PTPRT: variants seen among roughly 807,000 people sequenced by gnomAD.
The protein encoded by PTPRT is receptor-type tyrosine-protein phosphatase T.
In PTPRT, 56 loss-of-function variants were observed where a neutral mutation model predicts 176.8. That is an observed-to-expected ratio of 0.32 (90% CI 0.26 to 0.40). PTPRT has a LOEUF of 0.40. PTPRT is among the 10% of genes least tolerant of loss of function. PTPRT has a pLI of 1.00. For synonymous variants in PTPRT, 783 were observed against 739.0 expected (o/e 1.06, Z -0.96); for missense variants, 1,540 against 1,908.2 (o/e 0.81, Z 3.60).
chr20:42,364,125 C>T (rs1393499812), intron 9 of PTPRT, among the ~76,000 whole-genome samples: 2 of 152,040 alleles, frequency 1.3e-5, no homozygotes, highest in African/African-American at 2.4e-5. Flanking sequence ...TCCAAGCACC[C>T]CAGAGGGGTT....
intron 1 of PTPRT, among the ~76,000 whole-genome samples, chr20:43,161,077 C>A (rs371282633): frequency 1.3e-5 from 2 of 152,206 alleles, no homozygotes; most frequent in Non-Finnish European, 1.5e-5. Flanking sequence ...TCTATACTTA[C>A]ATTATACTAA....
chr20:42,350,214 G>GTTTTTTTTTTTTTTT (rs764181357), intron 11 of PTPRT, among the ~76,000 whole-genome samples: 3 of 58,290 alleles, frequency 5.1e-5, no homozygotes, highest in African/African-American at 7.0e-5. Flanking sequence ...GATGTTTCTT[G>GTTTTTTTTTTTTTTT]TTTTTTTTTT....
chr20:42,323,695 G>T (rs1280366989), intron 11 of PTPRT, among the ~76,000 whole-genome samples: 1 of 151,732 alleles, frequency 6.6e-6, no homozygotes, highest in Non-Finnish European at 1.5e-5. Flanking sequence ...ACACCAGCAT[G>T]GCACATGTAT....
Position 43,152,629 on chromosome 20 carries a change from T to G in PTPRT, c.88+37017A>C, listed in dbSNP as rs147103754. On this transcript the variant is annotated intron_variant, in intron 1 of 30. Transcript: ENST00000373187. ...GAATAAATTCATAGCATCTTGTATT[T>G]CCTTTCACACATTCTTCCTCTGGAC... 2.8e-4 allele frequency among the ~76,000 whole-genome samples: 42 copies of G among 152,340 alleles called. 1 individual carries two copies. Among genetic ancestry groups the G allele is most frequent in the African/African-American group, 9.1e-4 (38 of 41,590 alleles).
At position 42,633,218 on chromosome 20, in the gene PTPRT, T is replaced by C. The variant is rs543086841; in HGVS notation, c.1153+44648A>G. ...ATAGAAACCATCTGAAATTGATTCA[T>C]TGGAAAATGTATATGCTATTAACAC... On this transcript the variant is annotated intron_variant, in intron 7 of 30. Coordinates refer to ENST00000373187, the MANE Select transcript of PTPRT (RefSeq NM_007050.6). Among the ~76,000 whole-genome samples, 19 of 152,228 alleles carry C rather than the reference T, an allele frequency of 1.2e-4. No individual in the cohort carries two copies. The South Asian group carries it at 2.7e-3, about 22-fold the overall frequency.
At chr20:42,520,720 C>A (rs1248587674) in intron 7 of PTPRT, among the ~76,000 whole-genome samples, 6 of 151,724 alleles carry the variant, frequency 4.0e-5, no homozygotes, top group African/African-American at 1.5e-4. Context: ...ATTTAGAAAC[C>A]AAGATCTGCA....
chr20:42,931,193 A>G (rs1979825900), intron 1 of PTPRT, among the ~76,000 whole-genome samples: 1 of 152,196 alleles, frequency 6.6e-6, no homozygotes, highest in African/African-American at 2.4e-5. Context: ...CAGTGTCACT[A>G]TATTTAAAGG....
At chr20:42,789,500 G>A (rs2077342275) in intron 3 of PTPRT, among the ~76,000 whole-genome samples, 1 of 152,112 alleles carries the variant, frequency 6.6e-6, no homozygotes, top group Non-Finnish European at 1.5e-5. Context: ...CCTATAAAAT[G>A]GGTACGTAGT....
At chr20:42,120,756 A>G (rs1221039467) in intron 19 of PTPRT, among the ~76,000 whole-genome samples, 1 of 152,208 alleles carries the variant, frequency 6.6e-6, no homozygotes, top group Non-Finnish European at 1.5e-5. Context: ...CATATTGAGT[A>G]GAAGTTTAAG....
chr20:42,855,897 T>C (rs1260326510), intron 2 of PTPRT, among the ~76,000 whole-genome samples: 2 of 152,154 alleles, frequency 1.3e-5, no homozygotes, highest in Non-Finnish European at 2.9e-5. Context: ...ACTCCTTCCC[T>C]AAATCCCTTC....
chr20:43,019,846 T>C (rs1985573075), intron 1 of PTPRT, among the ~76,000 whole-genome samples: 2 of 151,988 alleles, frequency 1.3e-5, no homozygotes, highest in South Asian at 4.2e-4. Flanking sequence ...CCCTTGAACA[T>C]GAGAATTTCA....
intron 13 of PTPRT, chr20:42,270,439 C>A: frequency 2.1e-6 from 3 of 1,445,924 alleles, no homozygotes; most frequent in Non-Finnish European, 2.8e-6. Context: ...GTCACCTGGG[C>A]GCTGCCCATT....
intron 7 of PTPRT, among the ~76,000 whole-genome samples, chr20:42,530,002 C>T (rs2072352905): frequency 6.6e-6 from 1 of 152,116 alleles, no homozygotes; most frequent in Non-Finnish European, 1.5e-5. Context: ...CTTGTCTCGC[C>T]GTTTCTTTAC....
chr20:42,926,269 CT>C (rs1468342027), intron 1 of PTPRT, among the ~76,000 whole-genome samples: 1 of 152,236 alleles, frequency 6.6e-6, no homozygotes, highest in African/African-American at 2.4e-5. Context: ...GCATCCACCC[CT>C]CTCTCCTGTT....
intron 1 of PTPRT, among the ~76,000 whole-genome samples, chr20:42,994,847 C>A (rs540066993): frequency 6.6e-6 from 1 of 152,326 alleles, no homozygotes; most frequent in Non-Finnish European, 1.5e-5. Flanking sequence ...AAACATCCTA[C>A]AGCATTTGGC....
intron 7 of PTPRT, among the ~76,000 whole-genome samples, chr20:42,579,207 C>T (rs1201635594): frequency 6.6e-6 from 1 of 151,876 alleles, no homozygotes; most frequent in Non-Finnish European, 1.5e-5. Flanking sequence ...TGGTTTCCAG[C>T]TTCATCCATG....
chr20:42,407,549 A>C (rs1359668744), intron 9 of PTPRT, among the ~76,000 whole-genome samples: 1 of 152,216 alleles, frequency 6.6e-6, no homozygotes, highest in Non-Finnish European at 1.5e-5. Flanking sequence ...AAAAAACTTC[A>C]GTGAACCCCT....
At position 42,119,908 on chromosome 20, in the gene PTPRT, G is replaced by T; in HGVS notation, c.2884+27C>A. On this transcript the variant is annotated intron_variant, in intron 20 of 30. Transcript: ENST00000373187. ...CCTGGGACCCCTGAAGCCTCTCTGA[G>T]GCACTAGGTGGAGGGAGGGCACTTA... 5 of 1,599,218 alleles carry T rather than the reference G, an allele frequency of 3.1e-6. No individual in the cohort carries two copies. The South Asian group carries it at 5.6e-5, about 18-fold the overall frequency.
intron 9 of PTPRT, among the ~76,000 whole-genome samples, chr20:42,374,573 C>A (rs1247570134): frequency 1.3e-5 from 2 of 151,980 alleles, no homozygotes; most frequent in African/African-American, 4.8e-5. Context: ...TGAAAAAGCT[C>A]TTACAAATCA....
Sources: allele counts gnomAD v4.1 joint callset (sites outside exome capture counted in the v4.1 genomes callset), GRCh38; gene constraint gnomAD v4.1.1; transcripts MANE v1.5; gene names NCBI Gene and HGNC (gene_info 2026-07-23, HGNC 2026-07-21).